CSF3R: variants seen among roughly 807,000 people sequenced by gnomAD.
The protein encoded by CSF3R is granulocyte colony-stimulating factor receptor.
CSF3R carries 52 observed loss-of-function variants against 84.4 expected under a neutral mutation model. That is an observed-to-expected ratio of 0.62 (90% CI 0.49 to 0.78). The LOEUF is 0.78. Ranked by LOEUF, CSF3R falls within the 30% of genes least tolerant of loss-of-function variation. The pLI, the probability that CSF3R is intolerant of heterozygous loss-of-function variation, is 0.00. For missense variants in CSF3R, 890 were observed against 1,055.7 expected (o/e 0.84, Z 2.17); for synonymous variants, 384 against 429.1 (o/e 0.89, Z 1.30).
chr1:36,472,195 C>G lies in CSF3R; in HGVS notation c.997+43G>C. 1 of 1,614,080 alleles carries G rather than the reference C, an allele frequency of 6.2e-7. No homozygotes were observed. Among genetic ancestry groups the G allele is most frequent in the East Asian group, 2.2e-5 (1 of 44,840 alleles). The stretch of plus-strand genomic sequence containing the variant: ...GTTGGGGAGGGGCCTGGGGCCTGGA[C>G]TGGATACTGTTGGCTGCTCCCAGCC... On this transcript the variant is annotated intron_variant, in intron 8 of 16. Transcript: ENST00000373106. This position sits in a 1 kb window ranked among gnomAD's most constrained non-coding sequence, Gnocchi z 5.0.
rs1650374933 is a variant in CSF3R, at chr1:36,467,146, G to T, written c.2040+84C>A. 3 of 1,465,052 alleles carry T rather than the reference G, an allele frequency of 2.0e-6. No individual in the cohort carries two copies. Among genetic ancestry groups the T allele is most frequent in the Non-Finnish European group, 2.9e-6 (3 of 1,045,296 alleles). The allele number at this position is 1,465,052 out of a possible 1,614,324, so 90.8% of individuals were successfully genotyped here. A position where few individuals can be genotyped will look rare whatever the true frequency, so the allele number is the denominator to read the frequency against. ...GTTGCCGGAAGTGACAGGAAGGCCT[G>T]AGTACTTGGCTTCAGAAGGTGTCCC... is the stretch of plus-strand genomic sequence containing the variant. On this transcript the variant is annotated intron_variant, in intron 16 of 16. Transcript: ENST00000373106. This position sits in a 1 kb window ranked among gnomAD's most constrained non-coding sequence, Gnocchi z 4.1.
rs765099691 is a variant in CSF3R at position 36,471,388 on chromosome 1, G to A, written c.1285+45C>T. 11 of 1,567,118 alleles carry A rather than the reference G, an allele frequency of 7.0e-6. No individual in the cohort carries two copies. The Admixed American group carries it at 1.5e-4, about 21-fold the overall frequency. On this transcript the variant is annotated intron_variant, in intron 10 of 16. Transcript: ENST00000373106. Reference sequence around the variant, plus strand: ...ACCCAGGCAGTCTAGCCTTTGAATTGATGCGCTTGACCTCTGTGCTCTTCT... The same window carrying A: ...ACCCAGGCAGTCTAGCCTTTGAATTAATGCGCTTGACCTCTGTGCTCTTCT...
chr1:36,472,868 G>A lies in CSF3R; in HGVS notation c.674-182C>T. Reference sequence around the variant, plus strand: ...GGTCTCTGTTTCCGCTCTTGCCCCAGGGCCTTTGCACTGGTTGTTACTTCT... The same window carrying A: ...GGTCTCTGTTTCCGCTCTTGCCCCAAGGCCTTTGCACTGGTTGTTACTTCT... On this transcript the variant is annotated intron_variant, in intron 6 of 16. Coordinates refer to ENST00000373106, the MANE Select transcript of CSF3R (RefSeq NM_000760.4). This position sits in a 1 kb window ranked among gnomAD's most constrained non-coding sequence, Gnocchi z 5.0. The A allele has an allele frequency of 1.4e-6, 1 of 735,392 alleles. No homozygotes were observed. Among genetic ancestry groups the A allele is most frequent in the South Asian group, 2.0e-5 (1 of 48,840 alleles). 45.6% of individuals were successfully genotyped at this position (735,392 alleles called of 1,614,324 possible). A position where few individuals can be genotyped will look rare whatever the true frequency, so the allele number is the denominator to read the frequency against.
Position 36,471,657 on chromosome 1 carries a change from C to T in CSF3R, c.1072-11G>A. On this transcript the variant is annotated splice_polypyrimidine_tract_variant and intron_variant, in intron 9 of 16. Transcript: ENST00000373106. ...CTCCAGGGGCACTGGCTGTGGGGCACAGGAGGAAAAAGAGAAGGGGATGTG... is the reference window on the plus strand; with the variant it reads ...CTCCAGGGGCACTGGCTGTGGGGCATAGGAGGAAAAAGAGAAGGGGATGTG... The T allele has an allele frequency of 6.2e-7, 1 of 1,613,792 alleles. No homozygotes were observed. The highest frequency in any genetic ancestry group is 8.5e-7 in the Non-Finnish European group (1 of 1,179,842).
rs1188234060 is a variant in CSF3R at position 36,475,512 on chromosome 1, G to T, written c.226C>A (p.Gln76Lys). Residue 76 changes from glutamine (Q) to lysine (K), a missense_variant, in exon 4 of 17, where the codon CAG becomes AAG. Physicochemically the swap from Gln to Lys is moderately conservative, Grantham distance 53 (BLOSUM62 1). Coordinates refer to ENST00000373106, the MANE Select transcript of CSF3R (RefSeq NM_000760.4). ...TCCTGGGTCCCATCAGACAGACGCT[G>T]CTGCCTGCCCCCGGGCTGAAGCTCT... The part of the protein sequence containing the change: ...GAELQPGGRQ[Q>K]RLSDGTQESI... 3 of 1,614,116 alleles carry T rather than the reference G, an allele frequency of 1.9e-6. No individual in the cohort carries two copies. The highest frequency in any genetic ancestry group is 1.3e-5 in the African/African-American group (1 of 75,046).
In CSF3R at chr1:36,479,439, G is replaced by A. The variant is rs1209715918; in HGVS notation, c.58C>T (p.Pro20Ser). ...CATCCTTGGCCATACTCACTTCCGG[G>A]GAGCAGCAGGATGATCAGGGCAGCC... The part of the protein sequence containing the change: ...TWAALIILLL[P>S]GSLEECGHIS... The change falls in exon 3 of 17, where the codon CCC (proline) becomes TCC (serine). Residue 20 changes from proline to serine, a missense_variant. By Grantham distance (74) the Pro-to-Ser change is moderately conservative. Coordinates refer to ENST00000373106, the MANE Select transcript of CSF3R (RefSeq NM_000760.4). 3.1e-6 allele frequency: 5 copies of A among 1,614,156 alleles called. No homozygotes were observed. The highest frequency in any genetic ancestry group is 1.7e-5 in the Admixed American group (1 of 60,022).
At position 36,479,176 on chromosome 1, in the gene CSF3R, T is replaced by A. The variant is rs1651362953; in HGVS notation, c.64+257A>T. 2.2e-5 allele frequency: 12 copies of A among 545,040 alleles called. 1 individual carries two copies. Among genetic ancestry groups the A allele is most frequent in the South Asian group, 2.1e-4 (11 of 53,610 alleles). 33.8% of individuals were successfully genotyped at this position (545,040 alleles called of 1,614,324 possible). A position where few individuals can be genotyped will look rare whatever the true frequency, so the allele number is the denominator to read the frequency against. ...GTTGCTTCTGACAGCTTGGTAGAGA[T>A]TTGCGGACAAGATCTGCGCCTCACT... On this transcript the variant is annotated intron_variant, in intron 3 of 16. Coordinates refer to ENST00000373106, the MANE Select transcript of CSF3R (RefSeq NM_000760.4).
In CSF3R at chr1:36,471,635, C is replaced by T. The variant is rs1384411995; in HGVS notation, c.1083G>A (p.Leu361=). 5 of 1,614,062 alleles carry T rather than the reference C, an allele frequency of 3.1e-6. No homozygotes were observed. The South Asian group carries it at 3.3e-5, about 11-fold the overall frequency. ...TVQLFWKPVP[L]EEDSGRIQGY... is the part of the protein sequence containing the mutation. The stretch of plus-strand genomic sequence containing the variant: ...CTTGGATCCGTCCGCTGTCTTCCTC[C>T]AGGGGCACTGGCTGTGGGGCACAGG... Residue 361 remains leucine (L), a synonymous_variant, in exon 10 of 17, where the codon CTG becomes CTA. Transcript: ENST00000373106.
Position 36,467,745 on chromosome 1 carries a change from C to G in CSF3R, c.1864+77G>C. On this transcript the variant is annotated intron_variant, in intron 14 of 16. Transcript: ENST00000373106. This position sits in a 1 kb window ranked among gnomAD's most constrained non-coding sequence, Gnocchi z 4.1. ...CAGGGGATTCAAAGTCAGTCCCCAG[C>G]TACTCTCAAAATCAGCATCCTTTGG... 6.2e-7 allele frequency: 1 copy of G among 1,613,192 alleles called. No homozygotes were observed. Among genetic ancestry groups the G allele is most frequent in the Non-Finnish European group, 8.5e-7 (1 of 1,179,104 alleles).
At chr1:36,471,049 T>G (rs1221228532) in intron 10 of CSF3R, among the ~76,000 whole-genome samples, 1 of 151,960 alleles carries the variant, frequency 6.6e-6, no homozygotes, top group Non-Finnish European at 1.5e-5. Flanking sequence ...GTTTTTTGTT[T>G]TTTTTTGTTT....
Position 36,467,485 on chromosome 1 carries a change from G to C in CSF3R, c.1958+73C>G. ...GTTTGGGAAGGCTGGAAGGGACTTA[G>C]ATGGGCCCATCTGGACCTGAGGTTC... On this transcript the variant is annotated intron_variant, in intron 15 of 16. Transcript: ENST00000373106. This position sits in a 1 kb window ranked among gnomAD's most constrained non-coding sequence, Gnocchi z 4.1. The C allele has an allele frequency of 1.3e-6, 2 of 1,499,582 alleles. No individual in the cohort carries two copies. The highest frequency in any genetic ancestry group is 1.4e-5 in the African/African-American group (1 of 72,564). The allele number at this position is 1,499,582 out of a possible 1,614,324, so 92.9% of individuals were successfully genotyped here.
In CSF3R at chr1:36,471,791, T is replaced by C. The variant is rs3917979; in HGVS notation, c.1072-145A>G. Reference sequence around the variant, plus strand: ...TCTCACCCCCCTCCCCTTTTCCCTCTGTTCCCTTGTGCTAGGTTCTAGGAA... The same window carrying C: ...TCTCACCCCCCTCCCCTTTTCCCTCCGTTCCCTTGTGCTAGGTTCTAGGAA... On this transcript the variant is annotated intron_variant, in intron 9 of 16. Transcript: ENST00000373106. 0.21 allele frequency: 167,779 copies of C among 810,694 alleles called. 18,658 individuals carry two copies. Among genetic ancestry groups the C allele is most frequent in the African/African-American group, 0.31 (18,091 of 58,106 alleles). The allele number at this position is 810,694 out of a possible 1,614,324, so 50.2% of individuals were successfully genotyped here.
rs1316746201 is a variant in CSF3R, at chr1:36,466,664, G to C, written c.2204C>G (p.Ala735Gly). ...CTGGGATTGGGGCTGGGTGGAAACTGCTCTTGGGTCCCCCTGGAGCACATA... is the reference window on the plus strand; with the variant it reads ...CTGGGATTGGGGCTGGGTGGAAACTCCTCTTGGGTCCCCCTGGAGCACATA... ...QTYVLQGDPRAVSTQPQSQSG... is the reference protein window; with the variant it reads ...QTYVLQGDPRGVSTQPQSQSG... Residue 735 changes from alanine to glycine, a missense_variant, in exon 17 of 17, where the codon GCA (alanine) becomes GGA (glycine). Transcript: ENST00000373106. The surrounding 1 kb of genome is among the most constrained non-coding windows in gnomAD (Gnocchi z 4.6). 2 of 1,614,220 alleles carry C rather than the reference G, an allele frequency of 1.2e-6. No individual in the cohort carries two copies. Among genetic ancestry groups the C allele is most frequent in the Non-Finnish European group, 1.7e-6 (2 of 1,180,026 alleles).
intron 4 of CSF3R, among the ~76,000 whole-genome samples, chr1:36,474,503 C>T (rs531897311): frequency 5.5e-5 from 8 of 146,216 alleles, no homozygotes; most frequent in Admixed American, 1.4e-4. Flanking sequence ...TTAGTAGAGA[C>T]GGGGTTTCCC....
intron 13 of CSF3R, 46 bp from the exon 14 acceptor site, chr1:36,468,008 C>T (rs749153166): frequency 6.2e-7 from 1 of 1,614,238 alleles, no homozygotes; most frequent in East Asian, 2.2e-5. Flanking sequence ...GTAAAGCTGC[C>T]TCCGTGGCAG....
intron 3 of CSF3R, 85 bp downstream of exon 3, chr1:36,479,348 G>T: frequency 7.7e-7 from 1 of 1,300,818 alleles, no homozygotes; most frequent in Non-Finnish European, 1.1e-6. Flanking sequence ...AATCCCAGGA[G>T]CCATGTGGCA....
At chr1:36,469,367 G>A in intron 11 of CSF3R, 110 bp from the exon 12 acceptor site, 2 of 877,988 alleles carry the variant, frequency 2.3e-6, no homozygotes, top group South Asian at 2.8e-5. Context: ...ATGATTCAGG[G>A]TTAACCTCCA....
intron 3 of CSF3R, 21 bp downstream of exon 3, chr1:36,479,412 C>A: frequency 6.2e-7 from 1 of 1,613,482 alleles, no homozygotes; most frequent in Non-Finnish European, 8.5e-7. Context: ...CCACTGCACC[C>A]TCATCCTTGG....
rs1429498163 is a variant in CSF3R at position 36,467,147 on chromosome 1, A to G, written c.2040+83T>C. On this transcript the variant is annotated intron_variant, in intron 16 of 16. Coordinates refer to ENST00000373106, the MANE Select transcript of CSF3R (RefSeq NM_000760.4). The surrounding 1 kb of genome is among the most constrained non-coding windows in gnomAD (Gnocchi z 4.1). Reference sequence around the variant, plus strand: ...TTGCCGGAAGTGACAGGAAGGCCTGAGTACTTGGCTTCAGAAGGTGTCCCT... The same window carrying G: ...TTGCCGGAAGTGACAGGAAGGCCTGGGTACTTGGCTTCAGAAGGTGTCCCT... 1 of 1,466,284 alleles carries G rather than the reference A, an allele frequency of 6.8e-7. No individual in the cohort carries two copies. Among genetic ancestry groups the G allele is most frequent in the East Asian group, 2.3e-5 (1 of 44,174 alleles). 90.8% of individuals were successfully genotyped at this position (1,466,284 alleles called of 1,614,324 possible).
Sources: gnomAD v4.1 joint callset for allele counts (sites outside exome capture counted in the v4.1 genomes callset) on GRCh38, gnomAD v4.1.1 for gene constraint, Gnocchi (gnomAD v3.1) non-coding constraint, MANE v1.5 for transcripts, NCBI Gene and HGNC (gene_info 2026-07-23, HGNC 2026-07-21) for gene names.